PDE11A: variants seen among roughly 807,000 people sequenced by gnomAD.
PDE11A encodes dual 3',5'-cyclic-AMP and -GMP phosphodiesterase 11A.
A neutral mutation model predicts 100.5 loss-of-function variants in PDE11A; 100 were observed. That is an observed-to-expected ratio of 1.00 (90% CI 0.85 to 1.18). The LOEUF (loss-of-function observed/expected upper bound fraction) is 1.18. PDE11A is among the 50% of genes most tolerant of loss of function. The pLI is 0.00. For missense variants in PDE11A, 1,141 were observed against 1,152.6 expected, an observed-to-expected ratio of 0.99 and a Z score of 0.15; for synonymous variants, 381 against 420.8, an observed-to-expected ratio of 0.91 and a Z score of 1.16.
At chr2:177,896,059 A>G (rs2084606827) in intron 4 of PDE11A, among the ~76,000 whole-genome samples, 1 of 152,190 alleles carries the variant, frequency 6.6e-6, no homozygotes, top group Non-Finnish European at 1.5e-5. Context: ...AGAAGAAATG[A>G]TGAGGAGTGG....
intron 5 of PDE11A, among the ~76,000 whole-genome samples, chr2:177,857,232 T>A (rs1042131451): frequency 1.3e-5 from 2 of 151,948 alleles, no homozygotes; most frequent in African/African-American, 4.8e-5. Context: ...AATTAAGACA[T>A]TCTCAAATAA....
intron 2 of PDE11A, among the ~76,000 whole-genome samples, chr2:177,983,373 A>G (rs916620908): frequency 3.9e-4 from 59 of 152,188 alleles, no homozygotes; most frequent in African/African-American, 1.3e-3. Flanking sequence ...GCAGTGATGG[A>G]TGAAGGCCAC....
chr2:177,912,172 T>C (rs1023541118), intron 2 of PDE11A, among the ~76,000 whole-genome samples: 91 of 152,268 alleles, frequency 6.0e-4, no homozygotes, highest in African/African-American at 2.1e-3. Flanking sequence ...AGCGTGAATC[T>C]TTACAGGCTC....
At position 178,051,423 on chromosome 2, in the gene PDE11A, C is replaced by T. The variant is rs1279812611; in HGVS notation, c.912+20103G>A. Among the ~76,000 whole-genome samples the T allele has an allele frequency of 3.3e-5, 5 of 152,276 alleles. No homozygotes were observed. In the East Asian group the frequency reaches 5.8e-4, roughly 18 times the overall value. On this transcript the variant is annotated intron_variant, in intron 1 of 19. Transcript: ENST00000286063. ...AAATATGCCAAATTATAAAGACCAT[C>T]GATGCTAGGAAGAAACTGCATCAAC...
In PDE11A at chr2:177,768,804, G is replaced by C. The variant is rs116095456; in HGVS notation, c.1788+519C>G. ...TCTTACAATTGTTTGACCTTGGCCT[G>C]GCATCTCCATGCTTCAATTTATTCA... On this transcript the variant is annotated intron_variant, in intron 10 of 19. Coordinates refer to ENST00000286063, the MANE Select transcript of PDE11A (RefSeq NM_016953.4). Among the ~76,000 whole-genome samples, 943 of 152,214 alleles carry C rather than the reference G, an allele frequency of 6.2e-3. 5 individuals carry two copies. Among genetic ancestry groups the C allele is most frequent in the African/African-American group, 0.022 (898 of 41,544 alleles).
intron 12 of PDE11A, 110 bp downstream of exon 12, chr2:177,727,548 A>C (rs1182012769): frequency 2.6e-6 from 2 of 776,268 alleles, no homozygotes; most frequent in African/African-American, 3.4e-5. Context: ...GTAAGTTCCA[A>C]CATAAAATGA....
intron 2 of PDE11A, among the ~76,000 whole-genome samples, chr2:178,097,651 G>C (rs1047924067): frequency 3.5e-4 from 54 of 152,256 alleles, no homozygotes; most frequent in African/African-American, 1.2e-3. Context: ...AGTAGAAAAT[G>C]ATAAAACAGA....
intron 10 of PDE11A, among the ~76,000 whole-genome samples, chr2:177,766,873 A>C (rs1479834756): frequency 6.6e-6 from 1 of 152,230 alleles, no homozygotes; most frequent in African/African-American, 2.4e-5. Context: ...AAATCAGTTA[A>C]ATTATTAATC....
At chr2:177,929,696 G>C (rs572163002) in intron 2 of PDE11A, among the ~76,000 whole-genome samples, 2 of 152,274 alleles carry the variant, frequency 1.3e-5, no homozygotes, top group South Asian at 4.1e-4. Flanking sequence ...TGTGGGAAGA[G>C]AGAGTTAATT....
At chr2:177,707,370 G>T (rs1442942179) in intron 13 of PDE11A, among the ~76,000 whole-genome samples, 1 of 152,136 alleles carries the variant, frequency 6.6e-6, no homozygotes, top group Admixed American at 6.5e-5. Flanking sequence ...TAAAAGGAAG[G>T]CTGATTGAAT....
intron 5 of PDE11A, among the ~76,000 whole-genome samples, chr2:177,869,769 C>T (rs974613442): frequency 6.6e-6 from 1 of 152,180 alleles, no homozygotes; most frequent in African/African-American, 2.4e-5. Context: ...GACCACCTGA[C>T]ACCATGCATG....
chr2:178,104,266 TGTATCTG>T (rs1489691569), intron 2 of PDE11A: 1 of 1,578,902 alleles, frequency 6.3e-7, no homozygotes, highest in South Asian at 1.1e-5. Context: ...TTTCCTACAG[TGTATCTG>T]GTTCTCTCCC....
In PDE11A at chr2:178,072,362, A is replaced by G. The variant is rs781384558; in HGVS notation, c.76T>C (p.Leu26=). Residue 26 remains leucine, a synonymous_variant, in exon 1 of 20, where the codon TTG becomes CTG. Coordinates refer to ENST00000286063, the MANE Select transcript of PDE11A (RefSeq NM_016953.4). The part of the protein sequence containing the change: ...DRHPELFEDY[L]MRKGKQEMVE... ...ATCTCCTGCTTCCCCTTCCGCATCA[A>G]GTAATCTTCAAACAACTCTGGGTGC... 2 of 1,613,972 alleles carry G rather than the reference A, an allele frequency of 1.2e-6. No individual in the cohort carries two copies. The highest frequency in any genetic ancestry group is 4.5e-5 in the East Asian group (2 of 44,878).
At chr2:178,051,003 A>G (rs1188437606) in intron 1 of PDE11A, among the ~76,000 whole-genome samples, 3 of 152,192 alleles carry the variant, frequency 2.0e-5, no homozygotes, top group Admixed American at 2.0e-4. Flanking sequence ...GGAAACAGAG[A>G]GAACGCCACA....
intron 4 of PDE11A, among the ~76,000 whole-genome samples, chr2:177,884,306 C>A (rs994793464): frequency 1.3e-5 from 2 of 152,178 alleles, no homozygotes; most frequent in African/African-American, 4.8e-5. Context: ...CCTCATGACT[C>A]CTGTAAGGCT....
At chr2:177,880,295 G>T (rs747272891) in intron 4 of PDE11A, among the ~76,000 whole-genome samples, 23 of 152,184 alleles carry the variant, frequency 1.5e-4, no homozygotes, top group Non-Finnish European at 2.9e-4. Flanking sequence ...GGGACACATG[G>T]TATCAGTTGA....
chr2:177,733,825 C>A (rs1247645531), intron 10 of PDE11A, among the ~76,000 whole-genome samples: 2 of 152,226 alleles, frequency 1.3e-5, no homozygotes, highest in Admixed American at 1.3e-4. Flanking sequence ...TTATGCTTTG[C>A]ATATACTCAC....
At chr2:177,682,298 ATTGATG>A (rs1217544365) in intron 15 of PDE11A, among the ~76,000 whole-genome samples, 1 of 152,310 alleles carries the variant, frequency 6.6e-6, no homozygotes, top group South Asian at 2.1e-4. Flanking sequence ...ACATGTATTG[ATTGATG>A]TCTTATGTCT....
intron 1 of PDE11A, among the ~76,000 whole-genome samples, chr2:178,015,285 C>G (rs2086321367): frequency 6.6e-6 from 1 of 152,066 alleles, no homozygotes; most frequent in Non-Finnish European, 1.5e-5. Context: ...ACAACATCAC[C>G]AAGAATACAG....
Sources: gnomAD v4.1 joint callset for allele counts (sites outside exome capture counted in the v4.1 genomes callset) on GRCh38, gnomAD v4.1.1 for gene constraint, MANE v1.5 for transcripts, NCBI Gene and HGNC (gene_info 2026-07-23, HGNC 2026-07-21) for gene names.